IL1RAPL1: variants seen among roughly 807,000 people sequenced by gnomAD.
The protein encoded by IL1RAPL1 is interleukin 1 receptor accessory protein like 1.
IL1RAPL1 carries 3 observed loss-of-function variants against 48.4 expected under a neutral mutation model. The observed-to-expected ratio is 0.06, with a 90% confidence interval of 0.03 to 0.16. The LOEUF is 0.16. IL1RAPL1 is among the 10% of genes least tolerant of loss of function. The pLI is 1.00. For synonymous variants in IL1RAPL1, 185 were observed against 187.7 expected (o/e 0.99, Z 0.12); for missense variants, 349 against 530.6 (o/e 0.66, Z 3.36).
intron 5 of IL1RAPL1, among the ~76,000 whole-genome samples, chrX:29,528,209 C>A (rs959465789): frequency 2.7e-5 from 3 of 112,322 alleles, no homozygotes; most frequent in African/African-American, 9.7e-5. Flanking sequence ...TAAAGTTATT[C>A]ATTGCAGCAT....
intron 3 of IL1RAPL1, among the ~76,000 whole-genome samples, chrX:29,328,668 C>G (rs868624239): frequency 2.6e-4 from 27 of 102,048 alleles, no homozygotes; most frequent in Admixed American, 6.3e-4. Context: ...GAGAGAGAGA[C>G]AGAGAGAGAG....
At chrX:29,929,836 C>A (rs746990739) in intron 8 of IL1RAPL1, among the ~76,000 whole-genome samples, 1 of 111,650 alleles carries the variant, frequency 9.0e-6, no homozygotes, top group South Asian at 3.7e-4. Flanking sequence ...CTCACAATTT[C>A]AAGGTAATGA....
chrX:28,891,535 A>T (rs917403865), intron 2 of IL1RAPL1, among the ~76,000 whole-genome samples: 3 of 112,137 alleles, frequency 2.7e-5, no homozygotes, highest in African/African-American at 9.7e-5. Flanking sequence ...GATATTTCAT[A>T]TGAAATGAAT....
chrX:28,931,647 A>G (rs1490879595), intron 2 of IL1RAPL1, among the ~76,000 whole-genome samples: 1 of 111,952 alleles, frequency 8.9e-6, no homozygotes, highest in East Asian at 2.8e-4. Flanking sequence ...AATGATTACA[A>G]TGTAGTTGAA....
chrX:29,494,264 C>G (rs1935190556), intron 5 of IL1RAPL1, among the ~76,000 whole-genome samples: 1 of 111,624 alleles, frequency 9.0e-6, no homozygotes, highest in African/African-American at 3.3e-5. Context: ...CATTAGTTTG[C>G]CTCTAGTTGC....
At chrX:29,108,679 G>A (rs1175924175) in intron 2 of IL1RAPL1, among the ~76,000 whole-genome samples, 1 of 111,370 alleles carries the variant, frequency 9.0e-6, no homozygotes. Flanking sequence ...GGGATTACAG[G>A]AGTGAGCCAC....
rs1053009833 is a variant in IL1RAPL1 at position 29,685,474 on chromosome X, G to T, written c.778+16970G>T. 2.7e-5 allele frequency among the ~76,000 whole-genome samples: 3 copies of T among 111,396 alleles called. No homozygotes were observed. The Admixed American group carries it at 2.9e-4, about 11-fold the overall frequency. On this transcript the variant is annotated intron_variant, in intron 6 of 10. Transcript: ENST00000378993. ...GCCGAGATCGTGCCACTCCACTCCA[G>T]CCTGGGTGACAGAGCAAGCCTCCAT...
chrX:29,803,522 TG>T (rs1930165082), intron 6 of IL1RAPL1, among the ~76,000 whole-genome samples: 2 of 99,584 alleles, frequency 2.0e-5, no homozygotes, highest in Non-Finnish European at 4.0e-5. Context: ...TATGTATATA[TG>T]TATATATGTA....
intron 1 of IL1RAPL1, among the ~76,000 whole-genome samples, chrX:28,751,364 G>A (rs1049253669): frequency 1.8e-5 from 2 of 111,436 alleles, no homozygotes; most frequent in Admixed American, 9.6e-5. Context: ...TCTTTCTTCT[G>A]TCCAAACTTG....
intron 2 of IL1RAPL1, among the ~76,000 whole-genome samples, chrX:29,267,771 C>T (rs1280269779): frequency 7.2e-5 from 8 of 111,726 alleles, no homozygotes; most frequent in South Asian, 3.7e-4. Context: ...CTAGTTTCAC[C>T]GAATGCCATG....
intron 2 of IL1RAPL1, among the ~76,000 whole-genome samples, chrX:29,040,803 C>A: frequency 8.9e-6 from 1 of 111,967 alleles, no homozygotes; most frequent in African/African-American, 3.2e-5. Context: ...ATGGAACTAA[C>A]CACCTACAGT....
chrX:28,988,139 C>CTT (rs66658449), intron 2 of IL1RAPL1, among the ~76,000 whole-genome samples: 23 of 108,139 alleles, frequency 2.1e-4, no homozygotes, highest in African/African-American at 3.7e-4. Flanking sequence ...AATGGGCTTG[C>CTT]TTTTTTTTTA....
intron 6 of IL1RAPL1, among the ~76,000 whole-genome samples, chrX:29,725,948 C>T (rs764438686): frequency 1.8e-5 from 2 of 112,111 alleles, no homozygotes; most frequent in Non-Finnish European, 3.8e-5. Flanking sequence ...TCACTGATAG[C>T]AGATTTGTGA....
chrX:28,849,055 C>T (rs1361415884), intron 2 of IL1RAPL1, among the ~76,000 whole-genome samples: 1 of 109,581 alleles, frequency 9.1e-6, no homozygotes, highest in African/African-American at 3.3e-5. Context: ...TAAACTTTAT[C>T]ATTTTGCATT....
intron 1 of IL1RAPL1, among the ~76,000 whole-genome samples, chrX:28,772,024 A>G (rs1936315598): frequency 9.0e-6 from 1 of 111,094 alleles, no homozygotes; most frequent in Non-Finnish European, 1.9e-5. Flanking sequence ...CAGAAAATAA[A>G]TGTTAAATAC....
At chrX:29,442,194 G>A (rs1934554478) in intron 5 of IL1RAPL1, among the ~76,000 whole-genome samples, 1 of 111,900 alleles carries the variant, frequency 8.9e-6, no homozygotes, top group Non-Finnish European at 1.9e-5. Flanking sequence ...ACAGCATGGT[G>A]CTGGTACAAA....
intron 2 of IL1RAPL1, among the ~76,000 whole-genome samples, chrX:28,805,075 C>T (rs1386822164): frequency 9.0e-6 from 1 of 110,665 alleles, no homozygotes; most frequent in Non-Finnish European, 1.9e-5. Context: ...TAGGAATAAC[C>T]TGACCAGATA....
chrX:29,710,429 A>C (rs930411096), intron 6 of IL1RAPL1, among the ~76,000 whole-genome samples: 4 of 106,820 alleles, frequency 3.7e-5, no homozygotes, highest in African/African-American at 1.4e-4. Context: ...TGATTATATG[A>C]TTTTTTTGTT....
intron 2 of IL1RAPL1, among the ~76,000 whole-genome samples, chrX:28,809,290 A>G (rs976908535): frequency 9.0e-6 from 1 of 110,961 alleles, no homozygotes; most frequent in Non-Finnish European, 1.9e-5. Context: ...CATGAAGAGT[A>G]CAGCCTAGTG....
Sources: gnomAD v4.1 joint callset for allele counts (sites outside exome capture counted in the v4.1 genomes callset) on GRCh38, gnomAD v4.1.1 for gene constraint, MANE v1.5 for transcripts, NCBI Gene and HGNC (gene_info 2026-07-23, HGNC 2026-07-21) for gene names.